Variants in ACACB observed in about 807,000 individuals in gnomAD.
The protein encoded by ACACB is acetyl-CoA carboxylase 2.
Under a neutral mutation model 278.8 loss-of-function variants are expected in ACACB, and 209 were observed. The observed-to-expected ratio is 0.75, with a 90% CI of 0.67 to 0.84. The LOEUF is 0.84. Ranked by LOEUF, ACACB falls within the 40% of genes least tolerant of loss-of-function variation. The probability of loss-of-function intolerance (pLI) is 0.00; values close to 1 mark genes in which losing one functional copy is unlikely to be tolerated. For synonymous variants in ACACB, 1,174 were observed against 1,285.6 expected (o/e 0.91, Z 1.86); for missense variants, 2,850 against 3,269.0 (o/e 0.87, Z 3.13).
intron 45 of ACACB, among the ~76,000 whole-genome samples, chr12:109,257,568 C>CATT (rs1014272011): frequency 2.0e-5 from 3 of 151,630 alleles, no homozygotes; most frequent in Admixed American, 6.6e-5. Context: ...GCTTTAGTTT[C>CATT]ATTATTATTA....
At chr12:109,168,834 A>G (rs1387381606) in intron 4 of ACACB, among the ~76,000 whole-genome samples, 1 of 151,734 alleles carries the variant, frequency 6.6e-6, no homozygotes, top group Non-Finnish European at 1.5e-5. Context: ...ATAAAACAAC[A>G]TAAACCTAAA....
intron 5 of ACACB, 28 bp from the exon 6 acceptor site, chr12:109,172,247 T>C (rs2044142951): frequency 6.2e-7 from 1 of 1,609,226 alleles, no homozygotes; most frequent in Non-Finnish European, 8.5e-7. Context: ...GAAGGAAGAT[T>C]GTTGCTCACC....
chr12:109,145,053 G>GC, intron 2 of ACACB, among the ~76,000 whole-genome samples: 1 of 152,166 alleles, frequency 6.6e-6, no homozygotes, highest in East Asian at 1.9e-4. Context: ...GAGCCACTGC[G>GC]CCCGGCCCGC....
chr12:109,224,857 G>A (rs759496204), intron 27 of ACACB, among the ~76,000 whole-genome samples: 24 of 142,278 alleles, frequency 1.7e-4, no homozygotes, highest in Non-Finnish European at 1.4e-4. Flanking sequence ...CCTCTTACCC[G>A]GGTCTGCTTT....
chr12:109,185,169 C>T (rs1372139664), intron 11 of ACACB, among the ~76,000 whole-genome samples: 1 of 152,172 alleles, frequency 6.6e-6, no homozygotes, highest in Non-Finnish European at 1.5e-5. Context: ...AAGCTGGTTC[C>T]ATAATTGTCT....
chr12:109,195,835 G>T (rs1479987411), intron 16 of ACACB, among the ~76,000 whole-genome samples: 1 of 152,104 alleles, frequency 6.6e-6, no homozygotes, highest in Admixed American at 6.6e-5. Context: ...CTGCCCTTAT[G>T]TGGTGACTGA....
rs769515194 is a variant in ACACB, at chr12:109,260,523, C to T, written c.6540C>T (p.Asp2180=). 9.3e-6 allele frequency: 15 copies of T among 1,614,176 alleles called. No homozygotes were observed. Among genetic ancestry groups the T allele is most frequent in the Admixed American group, 6.7e-5 (4 of 60,026 alleles). ...QVLKFGAYIV[D]GLRQYKQPIL... ...TGAAGTTTGGAGCCTACATCGTGGACGGCCTTAGACAATACAAACAGCCCA... is the reference window on the plus strand; with the variant it reads ...TGAAGTTTGGAGCCTACATCGTGGATGGCCTTAGACAATACAAACAGCCCA... The change falls in exon 48 of 53, where the codon GAC becomes GAT. Residue 2180 remains aspartate (D), a synonymous_variant. Transcript: ENST00000338432.
chr12:109,183,361 A>G (rs1485701667), intron 11 of ACACB, among the ~76,000 whole-genome samples: 1 of 152,056 alleles, frequency 6.6e-6, no homozygotes, highest in African/African-American at 2.4e-5. Flanking sequence ...GAATCTATAG[A>G]TTGCTTTGGG....
At chr12:109,262,567 A>T (rs2047407006) in intron 49 of ACACB, 98 bp downstream of exon 49, 1 of 656,176 alleles carries the variant, frequency 1.5e-6, no homozygotes, top group South Asian at 1.9e-5. Context: ...AAATGAAAAA[A>T]TACCAAAATA....
Position 109,179,083 on chromosome 12 carries a change from G to T in ACACB, c.1438-5G>T. The T allele has an allele frequency of 6.2e-7, 1 of 1,611,336 alleles. No homozygotes were observed. Among genetic ancestry groups the T allele is most frequent in the Non-Finnish European group, 8.5e-7 (1 of 1,178,764 alleles). ...AAGATCAGGCTGCTCTGCTTCCCCC[G>T]ACAGGTACAGAGTGAGATCCCAGGC... On this transcript the variant is annotated splice_region_variant and splice_polypyrimidine_tract_variant and intron_variant, in intron 9 of 52. Transcript: ENST00000338432.
At chr12:109,192,189 A>G (rs2044917195) in intron 15 of ACACB, among the ~76,000 whole-genome samples, 1 of 152,136 alleles carries the variant, frequency 6.6e-6, no homozygotes, top group Non-Finnish European at 1.5e-5. Context: ...GCTGTTGTGT[A>G]CGGATCCATG....
chr12:109,205,120 C>G (rs1254631701), intron 19 of ACACB, among the ~76,000 whole-genome samples: 2 of 152,196 alleles, frequency 1.3e-5, no homozygotes, highest in Non-Finnish European at 2.9e-5. Context: ...TCCCAAAATG[C>G]TGGGATTACA....
chr12:109,245,538 G>A, intron 37 of ACACB, 88 bp from the exon 38 acceptor site: 1 of 1,405,648 alleles, frequency 7.1e-7, no homozygotes, highest in Non-Finnish European at 9.6e-7. Flanking sequence ...ATTCACCCTG[G>A]AATCATGACA....
chr12:109,203,150 C>G (rs12304717), intron 19 of ACACB, among the ~76,000 whole-genome samples: 1 of 152,176 alleles, frequency 6.6e-6, no homozygotes, highest in African/African-American at 2.4e-5. Flanking sequence ...TTTAGCGTAA[C>G]GTCTCCAAGT....
chr12:109,190,700 T>C (rs1280784200), intron 13 of ACACB, among the ~76,000 whole-genome samples: 2 of 151,886 alleles, frequency 1.3e-5, no homozygotes, highest in African/African-American at 4.8e-5. Flanking sequence ...TGATCATAGC[T>C]CACTGCAGCC....
intron 21 of ACACB, among the ~76,000 whole-genome samples, chr12:109,210,422 T>C (rs111205034): frequency 0.019 from 2,662 of 138,498 alleles, 205 homozygotes; most frequent in African/African-American, 0.072. Flanking sequence ...CATGTGTATA[T>C]ATGTATATAC....
chr12:109,133,861 ATATTTTT>A (rs1445522480), intron 1 of ACACB, among the ~76,000 whole-genome samples: 2 of 46,358 alleles, frequency 4.3e-5, no homozygotes, highest in Non-Finnish European at 8.1e-5. Context: ...ATATATATAT[ATATTTTT>A]TTTTTTTTTT....
At chr12:109,217,025 T>C (rs2046022722) in intron 24 of ACACB, 105 bp downstream of exon 24, 4 of 1,411,208 alleles carry the variant, frequency 2.8e-6, no homozygotes, top group Non-Finnish European at 3.8e-6. Context: ...CTCATGCCTG[T>C]AATCCCATCA....
At chr12:109,241,700 TC>T in intron 36 of ACACB, 1 of 199,762 alleles carries the variant, frequency 5.0e-6, no homozygotes, top group Non-Finnish European at 1.0e-5. Flanking sequence ...TGTAATGCAG[TC>T]CTCAGATTGG....
Sources: allele counts gnomAD v4.1 joint callset (sites outside exome capture counted in the v4.1 genomes callset), GRCh38; gene constraint gnomAD v4.1.1; transcripts MANE v1.5; gene names NCBI Gene and HGNC (gene_info 2026-07-23, HGNC 2026-07-21).